Variants in TEKT4 observed in about 807,000 individuals in gnomAD.
The protein encoded by TEKT4 is tektin 4, also known as tektin-4.
TEKT4 carries 46 observed loss-of-function variants against 46.0 expected under a neutral mutation model. That is an observed-to-expected ratio of 1.00 (90% confidence interval 0.79 to 1.28). TEKT4 has a LOEUF of 1.28. Ranked by LOEUF, TEKT4 falls within the 50% of genes most tolerant of loss-of-function variation. The probability of loss-of-function intolerance (pLI) is 0.00; values close to 1 mark genes in which losing one functional copy is unlikely to be tolerated. For missense variants in TEKT4, 790 were observed against 622.9 expected, an observed-to-expected ratio of 1.27 and a Z score of -2.85; for synonymous variants, 325 against 265.8, an observed-to-expected ratio of 1.22 and a Z score of -2.17.
intron 1 of TEKT4, 110 bp from the exon 2 acceptor site, chr2:94,873,410 C>A: frequency 3.8e-6 from 6 of 1,576,798 alleles, no homozygotes; most frequent in Non-Finnish European, 5.2e-6. Context: ...TCAGGCCCGG[C>A]ATTCAACTCC....
At position 94,873,592 on chromosome 2, in the gene TEKT4, T is replaced by G; in HGVS notation, c.569+2T>G. 1 of 1,613,316 alleles carries G rather than the reference T, an allele frequency of 6.2e-7. No homozygotes were observed. Among genetic ancestry groups the G allele is most frequent in the Non-Finnish European group, 8.5e-7 (1 of 1,179,928 alleles). On this transcript the variant is annotated splice_donor_variant, in intron 2 of 5. Transcript: ENST00000295201. LOFTEE classifies it high-confidence loss of function. ...CATGCAAGCAGTGAGCCAGATCCGG[T>G]GGGTAGAGGGCTGCCCAAGGGATGA...
At chr2:94,875,920 T>A (rs1477810593) in intron 5 of TEKT4, among the ~76,000 whole-genome samples, 178 bp downstream of exon 5, 1 of 152,042 alleles carries the variant, frequency 6.6e-6, no homozygotes, top group East Asian at 1.9e-4. Context: ...GACATACACA[T>A]GACACTGGGC....
At chr2:94,873,136 C>T in intron 1 of TEKT4, 1 of 1,225,546 alleles carries the variant, frequency 8.2e-7, no homozygotes, top group Non-Finnish European at 1.0e-6. Context: ...CCCTGAGGGG[C>T]AGCCTGGGCG....
rs1553395533 is a variant in TEKT4 at position 94,873,993 on chromosome 2, G to A, written c.598G>A (p.Glu200Lys). The A allele has an allele frequency of 8.7e-6, 14 of 1,613,678 alleles. No individual in the cohort carries two copies. The South Asian group carries it at 1.1e-4, about 13-fold the overall frequency. Residue 200 changes from glutamate to lysine, a missense_variant, in exon 3 of 6, where the codon GAG becomes AAG. By Grantham distance (56) the Glu-to-Lys change is moderately conservative (BLOSUM62 1). Coordinates refer to ENST00000295201, the MANE Select transcript of TEKT4 (RefSeq NM_144705.4). ...GAACCGGGAGCACAAGGAGACCTGC[G>A]AGATGGACTGGTCAGACAAGATGGA... Reference protein sequence around the residue: ...RLNREHKETCEMDWSDKMEAY... With the variant: ...RLNREHKETCKMDWSDKMEAY...
intron 5 of TEKT4, 56 bp downstream of exon 5, chr2:94,875,798 G>C: frequency 6.4e-7 from 1 of 1,565,598 alleles, no homozygotes; most frequent in African/African-American, 1.4e-5. Context: ...TCCTCCCTGT[G>C]ACTCTCTCCA....
At chr2:94,875,798 GACTCTCTCCA>G (rs1553396369) in intron 5 of TEKT4, 56 bp downstream of exon 5, 1 of 1,565,480 alleles carries the variant, frequency 6.4e-7, no homozygotes, top group Non-Finnish European at 8.7e-7. Context: ...TCCTCCCTGT[GACTCTCTCCA>G]ATAAACACTC....
intron 4 of TEKT4, 141 bp from the exon 5 acceptor site, chr2:94,875,447 T>G (rs529961983): frequency 7.7e-7 from 1 of 1,293,854 alleles, no homozygotes; most frequent in Admixed American, 2.1e-5. Flanking sequence ...ATTGTTCCCC[T>G]CATCCACGCC....
chr2:94,873,085 C>T (rs529150535), intron 1 of TEKT4: 6 of 1,254,372 alleles, frequency 4.8e-6, no homozygotes, highest in East Asian at 1.1e-4. Context: ...CAGGGTCCTT[C>T]TCCTGTTCTT....
At chr2:94,872,800 T>C (rs1553395042) in intron 1 of TEKT4, 1 of 1,288,990 alleles carries the variant, frequency 7.8e-7, no homozygotes, top group South Asian at 1.2e-5. Context: ...CCTCCTCCCT[T>C]CTTTACCCTT....
chr2:94,873,279 G>A (rs1376365272), intron 1 of TEKT4: 97 of 1,379,182 alleles, frequency 7.0e-5, no homozygotes, highest in Admixed American at 2.1e-4. Flanking sequence ...GCCGCTGAGG[G>A]ACCTTCCCAG....
At chr2:94,872,563 AC>A in intron 1 of TEKT4, 1 of 317,090 alleles carries the variant, frequency 3.2e-6, no homozygotes, top group Non-Finnish European at 6.3e-6. Context: ...TTCCCAATCC[AC>A]CCCAGCTTGT....
At chr2:94,874,155 C>CT in intron 3 of TEKT4, 47 bp downstream of exon 3, 1 of 1,591,406 alleles carries the variant, frequency 6.3e-7, no homozygotes, top group Non-Finnish European at 8.6e-7. Context: ...GTGGTCTCGC[C>CT]TCCCTCTGCC....
In TEKT4 at chr2:94,872,966, C is replaced by T. The variant is rs1553395125; in HGVS notation, c.499-554C>T. ...GGATAGAGGGGCGCAGGACCCGGGC[C>T]CTGGCACACAAGGAAGTACCCAGTG... On this transcript the variant is annotated intron_variant, in intron 1 of 5. Transcript: ENST00000295201. The T allele has an allele frequency of 3.1e-6, 4 of 1,289,316 alleles. No homozygotes were observed. In the Admixed American group the frequency reaches 6.9e-5, roughly 22 times the overall value. The allele number at this position is 1,289,316 out of a possible 1,614,324, so 79.9% of individuals were successfully genotyped here.
At position 94,873,272 on chromosome 2, in the gene TEKT4, G is replaced by A. The variant is rs111947249; in HGVS notation, c.499-248G>A. On this transcript the variant is annotated intron_variant, in intron 1 of 5. Transcript: ENST00000295201. ...TGAAGCCTGGGGCGTGGGAACTGCC[G>A]CTGAGGGACCTTCCCAGCAGCCCAC... 1.5e-4 allele frequency: 200 copies of A among 1,364,842 alleles called. No individual in the cohort carries two copies. In the East Asian group the frequency reaches 3.2e-3, roughly 22 times the overall value. The allele number at this position is 1,364,842 out of a possible 1,614,324, so 84.5% of individuals were successfully genotyped here. A position where few individuals can be genotyped will look rare whatever the true frequency, so the allele number is the denominator to read the frequency against.
chr2:94,874,395 C>T (rs1353363491), intron 3 of TEKT4, among the ~76,000 whole-genome samples: 2 of 152,062 alleles, frequency 1.3e-5, no homozygotes, highest in Admixed American at 6.5e-5. Context: ...GCCTGACCAC[C>T]GCCCACTAGA....
intron 1 of TEKT4, chr2:94,873,159 C>T: frequency 8.1e-7 from 1 of 1,234,286 alleles, no homozygotes; most frequent in South Asian, 1.5e-5. Context: ...CATCTGGGCC[C>T]CCAGAGTTTG....
intron 1 of TEKT4, 126 bp downstream of exon 1, chr2:94,872,203 G>A (rs528295581): frequency 2.3e-6 from 3 of 1,283,252 alleles, no homozygotes; most frequent in Non-Finnish European, 3.1e-6. Context: ...CTGCACGTGA[G>A]ACCCCTGAGT....
chr2:94,873,545 A>C lies in TEKT4; in HGVS notation c.524A>C (p.Gln175Pro). Residue 175 changes from glutamine (Q) to proline (P), a missense_variant, in exon 2 of 6, where the codon CAG becomes CCG. Coordinates refer to ENST00000295201, the MANE Select transcript of TEKT4 (RefSeq NM_144705.4). ...GAAGCCGAGCTCATCCGGAACATTC[A>C]GGAGCTGCTGAAGAGAACCATCATG... is the stretch of plus-strand genomic sequence containing the variant. The part of the protein sequence containing the change: ...LKEAELIRNI[Q>P]ELLKRTIMQA... 6.2e-7 allele frequency: 1 copy of C among 1,612,706 alleles called. No individual in the cohort carries two copies. Among genetic ancestry groups the C allele is most frequent in the Non-Finnish European group, 8.5e-7 (1 of 1,179,990 alleles).
chr2:94,873,587 T>C lies in TEKT4; in HGVS notation c.566T>C (p.Ile189Thr). ...KRTIMQAVSQ[I>T]RLNREHKETC... is the part of the protein sequence containing the mutation. ...ACCATCATGCAAGCAGTGAGCCAGA[T>C]CCGGTGGGTAGAGGGCTGCCCAAGG... Residue 189 changes from isoleucine to threonine, a missense_variant, in exon 2 of 6, where the codon ATC (isoleucine) becomes ACC (threonine). Ile to Thr is a moderately conservative substitution (Grantham distance 89). Transcript: ENST00000295201. 1 of 1,613,396 alleles carries C rather than the reference T, an allele frequency of 6.2e-7. No individual in the cohort carries two copies.
Sources: allele counts gnomAD v4.1 joint callset (sites outside exome capture counted in the v4.1 genomes callset), GRCh38; gene constraint gnomAD v4.1.1; transcripts MANE v1.5; gene names NCBI Gene and HGNC (gene_info 2026-07-23, HGNC 2026-07-21).